Variants in SPATA17 observed in about 807,000 individuals in gnomAD.
SPATA17 encodes spermatogenesis associated 17.
A neutral mutation model predicts 62.2 loss-of-function variants in SPATA17; 53 were observed. The observed-to-expected ratio is 0.85, with a 90% CI of 0.68 to 1.07. SPATA17 has a LOEUF of 1.07. Ranked by LOEUF, SPATA17 falls within the 50% of genes least tolerant of loss-of-function variation. The pLI is 0.00. For synonymous variants in SPATA17, 146 were observed against 146.8 expected (o/e 0.99, Z 0.04); for missense variants, 466 against 425.5 (o/e 1.10, Z -0.84).
chr1:217,636,944 T>C (rs888305399), intron 1 of SPATA17, among the ~76,000 whole-genome samples: 2 of 152,174 alleles, frequency 1.3e-5, no homozygotes, highest in African/African-American at 4.8e-5. Flanking sequence ...GCCAGATATA[T>C]GTAAAATCTT....
chr1:217,741,900 CTGAT>C, intron 5 of SPATA17, 71 bp from the exon 6 acceptor site: 1 of 1,574,786 alleles, frequency 6.4e-7, no homozygotes, highest in Non-Finnish European at 8.6e-7. Context: ...CTCAAAAAAA[CTGAT>C]TTATCATCAG....
intron 6 of SPATA17, among the ~76,000 whole-genome samples, chr1:217,762,841 G>A (rs1673205123): frequency 6.6e-6 from 1 of 152,168 alleles, no homozygotes; most frequent in African/African-American, 2.4e-5. Flanking sequence ...GCGTGGTGGT[G>A]TGTACTTGTA....
chr1:217,670,713 G>C (rs1670812255), intron 4 of SPATA17, among the ~76,000 whole-genome samples: 2 of 152,104 alleles, frequency 1.3e-5, no homozygotes, highest in South Asian at 4.1e-4. Context: ...CATTTTGAGA[G>C]GCCACGGAGG....
chr1:217,799,200 G>T (rs1184452647), intron 8 of SPATA17, among the ~76,000 whole-genome samples: 1 of 151,972 alleles, frequency 6.6e-6, no homozygotes, highest in Non-Finnish European at 1.5e-5. Context: ...GTACAATTAA[G>T]AATATGTATA....
intron 5 of SPATA17, among the ~76,000 whole-genome samples, chr1:217,701,826 A>T (rs1671607527): frequency 6.6e-6 from 1 of 151,830 alleles, no homozygotes; most frequent in African/African-American, 2.4e-5. Flanking sequence ...CACTTTTCTT[A>T]AATCTGCTCT....
chr1:217,720,036 T>C (rs778137262), intron 5 of SPATA17, among the ~76,000 whole-genome samples: 54 of 152,316 alleles, frequency 3.5e-4, no homozygotes, highest in African/African-American at 1.1e-3. Context: ...TTCTCCTGCA[T>C]AGAGCTAATA....
intron 7 of SPATA17, among the ~76,000 whole-genome samples, chr1:217,775,393 G>A (rs963886795): frequency 1.3e-5 from 2 of 152,052 alleles, no homozygotes; most frequent in African/African-American, 4.8e-5. Context: ...TCTCTACTCT[G>A]TTACAGTGTC....
intron 6 of SPATA17, among the ~76,000 whole-genome samples, chr1:217,768,222 C>T (rs758527705): frequency 2.0e-5 from 3 of 151,822 alleles, no homozygotes; most frequent in Admixed American, 1.3e-4. Flanking sequence ...TCCAGCCTGG[C>T]GACAGAGCAA....
intron 5 of SPATA17, among the ~76,000 whole-genome samples, chr1:217,728,926 A>G (rs1477682373): frequency 6.6e-6 from 1 of 152,158 alleles, no homozygotes; most frequent in African/African-American, 2.4e-5. Flanking sequence ...TCATTTAACT[A>G]TCCCACAAGA....
chr1:217,646,953 C>T (rs1004547827), intron 1 of SPATA17, among the ~76,000 whole-genome samples: 1 of 151,992 alleles, frequency 6.6e-6, no homozygotes, highest in Non-Finnish European at 1.5e-5. Context: ...GCAGGACTAC[C>T]AAGGATTAAA....
intron 6 of SPATA17, among the ~76,000 whole-genome samples, chr1:217,766,306 G>T (rs1432574226): frequency 1.3e-5 from 2 of 151,614 alleles, no homozygotes; most frequent in Admixed American, 6.6e-5. Context: ...CATATTTTAT[G>T]ATTCCATTTC....
chr1:217,802,999 G>T (rs1182834145), intron 9 of SPATA17, among the ~76,000 whole-genome samples: 1 of 152,006 alleles, frequency 6.6e-6, no homozygotes, highest in South Asian at 2.1e-4. Context: ...TGCAACCTCC[G>T]CCCCTCAGAT....
intron 9 of SPATA17, chr1:217,850,628 C>T (rs774868870): frequency 1.9e-5 from 31 of 1,591,698 alleles, no homozygotes; most frequent in Non-Finnish European, 2.7e-5. Context: ...TCACGAAGAT[C>T]TGCATTTTGA....
chr1:217,788,484 G>A (rs1484206620), intron 8 of SPATA17, among the ~76,000 whole-genome samples: 2 of 152,110 alleles, frequency 1.3e-5, no homozygotes, highest in African/African-American at 2.4e-5. Context: ...GGACTTTTAG[G>A]TGGGGAGATT....
At chr1:217,862,030 C>G (rs10863351) in intron 9 of SPATA17, among the ~76,000 whole-genome samples, 114,317 of 151,438 alleles carry the variant, frequency 0.75, 43,189 homozygotes, top group South Asian at 0.81. Flanking sequence ...TAAAGAGCTG[C>G]ACTCAGGGCA....
intron 8 of SPATA17, chr1:217,784,889 T>C (rs1373363657): frequency 6.6e-6 from 1 of 152,116 alleles, no homozygotes; most frequent in East Asian, 1.9e-4. Context: ...ACAATTTTTC[T>C]AAGTGTATTT....
At chr1:217,736,039 A>T (rs1672503660) in intron 5 of SPATA17, among the ~76,000 whole-genome samples, 1 of 151,904 alleles carries the variant, frequency 6.6e-6, no homozygotes, top group Non-Finnish European at 1.5e-5. Context: ...CTTTTTCCTC[A>T]AAAATATTTT....
chr1:217,721,783 A>G (rs996968329), intron 5 of SPATA17, among the ~76,000 whole-genome samples: 1 of 152,126 alleles, frequency 6.6e-6, no homozygotes, highest in African/African-American at 2.4e-5. Flanking sequence ...GATACTCTTT[A>G]CTGTGCTGGA....
intron 8 of SPATA17, among the ~76,000 whole-genome samples, chr1:217,786,181 A>G (rs1226740213): frequency 6.6e-6 from 1 of 152,208 alleles, no homozygotes; most frequent in Non-Finnish European, 1.5e-5. Flanking sequence ...ACTCTCGTGA[A>G]ACTTATATAG....
Sources: gnomAD v4.1 joint callset for allele counts (sites outside exome capture counted in the v4.1 genomes callset) on GRCh38, gnomAD v4.1.1 for gene constraint, MANE v1.5 for transcripts, NCBI Gene and HGNC (gene_info 2026-07-23, HGNC 2026-07-21) for gene names.